Variants in CCNY observed in about 807,000 individuals in gnomAD.
CCNY encodes the protein cyclin Y.
In CCNY, 19 loss-of-function variants were observed where a neutral mutation model predicts 42.8. The observed-to-expected ratio is 0.44, with a 90% CI of 0.31 to 0.65. CCNY has a LOEUF of 0.65. CCNY is among the 30% of genes least tolerant of loss of function. The pLI is 0.07. For missense variants in CCNY, 370 were observed against 437.3 expected (o/e 0.85, Z 1.37); for synonymous variants, 165 against 162.7 (o/e 1.01, Z -0.11).
intron 1 of CCNY, among the ~76,000 whole-genome samples, chr10:35,247,789 T>C (rs1385216232): frequency 6.9e-6 from 1 of 144,274 alleles, no homozygotes; most frequent in Admixed American, 7.2e-5. Flanking sequence ...GGCAAGAGAA[T>C]GGCGTAAACC....
chr10:35,490,517 G>A (rs1589155711), intron 2 of CCNY, among the ~76,000 whole-genome samples: 2 of 152,176 alleles, frequency 1.3e-5, no homozygotes, highest in East Asian at 1.9e-4. Flanking sequence ...GCACCTTCCC[G>A]CCCTTCCCTG....
At chr10:35,310,971 T>G (rs1835676335) in intron 3 of CCNY, among the ~76,000 whole-genome samples, 1 of 142,730 alleles carries the variant, frequency 7.0e-6, no homozygotes, top group African/African-American at 2.8e-5. Flanking sequence ...TGAAACCCTG[T>G]CTCAACAAAA....
intron 7 of CCNY, among the ~76,000 whole-genome samples, chr10:35,552,511 T>G (rs980042344): frequency 6.6e-6 from 1 of 152,244 alleles, no homozygotes; most frequent in African/African-American, 2.4e-5. Flanking sequence ...ACAGTGTGAA[T>G]GTACCTAATG....
intron 1 of CCNY, among the ~76,000 whole-genome samples, chr10:35,431,453 T>A (rs866136039): frequency 8.8e-6 from 1 of 113,124 alleles, no homozygotes; most frequent in African/African-American, 3.4e-5. Context: ...TCTCTCTCTC[T>A]CTCTCACACT....
At chr10:35,405,255 G>A (rs1837732744) in intron 1 of CCNY, among the ~76,000 whole-genome samples, 1 of 152,142 alleles carries the variant, frequency 6.6e-6, no homozygotes, top group Non-Finnish European at 1.5e-5. Context: ...CTGTGGGATG[G>A]GATATTGGCA....
At chr10:35,522,944 G>A (rs1017313975) in intron 4 of CCNY, among the ~76,000 whole-genome samples, 1 of 152,178 alleles carries the variant, frequency 6.6e-6, no homozygotes, top group East Asian at 1.9e-4. Context: ...CCCCACTACT[G>A]CCTTGGCTTG....
intron 2 of CCNY, among the ~76,000 whole-genome samples, chr10:35,494,042 T>C (rs1839954828): frequency 6.6e-6 from 1 of 152,150 alleles, no homozygotes; most frequent in African/African-American, 2.4e-5. Context: ...GTGGCTTCTG[T>C]GCACTGCTGT....
intron 8 of CCNY, among the ~76,000 whole-genome samples, chr10:35,558,920 G>A (rs1841411306): frequency 6.6e-6 from 1 of 152,220 alleles, no homozygotes; most frequent in Admixed American, 6.5e-5. Context: ...GGGAAGTGAG[G>A]TGCTGCTGTA....
At chr10:35,501,297 T>A (rs1016765057) in intron 2 of CCNY, among the ~76,000 whole-genome samples, 1 of 152,230 alleles carries the variant, frequency 6.6e-6, no homozygotes, top group South Asian at 2.1e-4. Context: ...CTTGTTTAAA[T>A]GGATGTATAT....
At chr10:35,343,121 G>C (rs1836221927) in intron 1 of CCNY, among the ~76,000 whole-genome samples, 1 of 150,028 alleles carries the variant, frequency 6.7e-6, no homozygotes, top group African/African-American at 2.5e-5. Flanking sequence ...TCCTGCCTCA[G>C]CCTCCCGAGT....
intron 1 of CCNY, among the ~76,000 whole-genome samples, chr10:35,428,827 G>A (rs1179681113): frequency 6.6e-6 from 1 of 152,168 alleles, no homozygotes; most frequent in Non-Finnish European, 1.5e-5. Flanking sequence ...TTGTGCAATG[G>A]GATGATGGTT....
intron 7 of CCNY, among the ~76,000 whole-genome samples, chr10:35,551,828 G>A (rs754747522): frequency 3.9e-5 from 6 of 152,202 alleles, no homozygotes; most frequent in South Asian, 2.1e-4. Context: ...AGTGATATAC[G>A]ACTTCACACA....
At chr10:35,427,704 AG>A (rs1838300208) in intron 1 of CCNY, among the ~76,000 whole-genome samples, 1 of 152,274 alleles carries the variant, frequency 6.6e-6, no homozygotes, top group Non-Finnish European at 1.5e-5. Context: ...GTAGGTCACA[AG>A]GAAGTTGAAA....
chr10:35,287,755 GT>G (rs1158099695), intron 3 of CCNY, among the ~76,000 whole-genome samples: 3 of 151,794 alleles, frequency 2.0e-5, no homozygotes, highest in African/African-American at 7.3e-5. Context: ...TGAACTTTTG[GT>G]TTGTCTTCAG....
At chr10:35,386,824 T>TCC (rs749079952) in intron 1 of CCNY, among the ~76,000 whole-genome samples, 28 of 152,148 alleles carry the variant, frequency 1.8e-4, no homozygotes, top group Non-Finnish European at 3.8e-4. Context: ...ATAATGAAGG[T>TCC]CTTTAGTAAA....
At chr10:35,546,161 G>A (rs982824990) in intron 7 of CCNY, among the ~76,000 whole-genome samples, 1 of 152,212 alleles carries the variant, frequency 6.6e-6, no homozygotes, top group Non-Finnish European at 1.5e-5. Flanking sequence ...CCAAACAGCT[G>A]AAAGACGGCA....
chr10:35,286,057 C>A (rs1363032422), intron 3 of CCNY, among the ~76,000 whole-genome samples: 6 of 150,706 alleles, frequency 4.0e-5, no homozygotes, highest in Non-Finnish European at 1.5e-5. Context: ...GGTGATCCGT[C>A]CACCTCAGTC....
chr10:35,279,452 G>T lies in CCNY; in HGVS notation c.-9+28826G>T, dbSNP rs556771396. Among the ~76,000 whole-genome samples, 21 of 152,266 alleles carry T rather than the reference G, an allele frequency of 1.4e-4. No individual in the cohort carries two copies. The South Asian group carries it at 4.4e-3, about 32-fold the overall frequency. ...TCTAACGCCATACCTTAAGCAAAGG[G>T]CTCGCTTGGAGGGAATGTCCACTCC... On this transcript the variant is annotated intron_variant, in intron 3 of 11. Transcript: ENST00000374706.
chr10:35,368,280 A>G (rs549787098), intron 1 of CCNY, among the ~76,000 whole-genome samples: 5 of 152,144 alleles, frequency 3.3e-5, no homozygotes, highest in Non-Finnish European at 5.9e-5. Flanking sequence ...CAGCTTTAGT[A>G]TTAATTTATG....
Sources: allele counts gnomAD v4.1 joint callset (sites outside exome capture counted in the v4.1 genomes callset), GRCh38; gene constraint gnomAD v4.1.1; transcripts MANE v1.5; gene names NCBI Gene and HGNC (gene_info 2026-07-23, HGNC 2026-07-21).